Variants in DMD observed in about 807,000 individuals in gnomAD.
DMD encodes the protein dystrophin.
A neutral mutation model predicts 330.1 loss-of-function variants in DMD; 63 were observed. The observed-to-expected ratio is 0.19, with a 90% CI of 0.16 to 0.24. DMD has a LOEUF of 0.24. Ranked by LOEUF, DMD falls within the 10% of genes least tolerant of loss-of-function variation. The pLI is 1.00. For synonymous variants in DMD, 1,223 were observed against 959.8 expected (o/e 1.27, Z -5.07); for missense variants, 3,344 against 2,684.1 (o/e 1.25, Z -5.43).
chrX:31,530,595 T>C (rs1479965595), intron 55 of DMD, among the ~76,000 whole-genome samples: 2 of 104,326 alleles, frequency 1.9e-5, no homozygotes, highest in African/African-American at 7.0e-5. Context: ...ATAATGAGAG[T>C]CAAGCAGTGG....
intron 4 of DMD, among the ~76,000 whole-genome samples, chrX:32,834,286 T>C (rs1763268703): frequency 9.0e-6 from 1 of 111,635 alleles, no homozygotes; most frequent in Admixed American, 9.6e-5. Context: ...GTCTAACAAA[T>C]TAAATTTGGA....
intron 4 of DMD, among the ~76,000 whole-genome samples, chrX:32,835,930 TTTC>T (rs1168589247): frequency 1.8e-5 from 2 of 111,141 alleles, no homozygotes; most frequent in African/African-American, 3.3e-5. Context: ...TAAACCAGGG[TTTC>T]TTTTCATAGG....
At chrX:31,597,880 A>G (rs930872030) in intron 55 of DMD, among the ~76,000 whole-genome samples, 2 of 111,624 alleles carry the variant, frequency 1.8e-5, no homozygotes, top group Non-Finnish European at 3.8e-5. Context: ...GACATGATAC[A>G]TTGTGTTTAT....
intron 1 of DMD, among the ~76,000 whole-genome samples, chrX:33,277,001 G>C (rs2053245450): frequency 8.9e-6 from 1 of 111,994 alleles, no homozygotes. Context: ...GTATGTGTGT[G>C]TGTATATATA....
chrX:32,635,703 G>C (rs5928062), intron 11 of DMD, among the ~76,000 whole-genome samples: 24,610 of 111,005 alleles, frequency 0.22, 3,849 homozygotes, highest in African/African-American at 0.56. Flanking sequence ...AAGCATATTA[G>C]TATTTTTCAA....
At chrX:31,425,194 C>A (rs1274180207) in intron 60 of DMD, among the ~76,000 whole-genome samples, 1 of 111,985 alleles carries the variant, frequency 8.9e-6, no homozygotes, top group Admixed American at 9.5e-5. Flanking sequence ...GGACAGCTTG[C>A]AATTCCATAT....
At chrX:31,797,729 T>A (rs2091892365) in intron 50 of DMD, among the ~76,000 whole-genome samples, 1 of 111,596 alleles carries the variant, frequency 9.0e-6, no homozygotes, top group African/African-American at 3.3e-5. Flanking sequence ...ATAAATATAT[T>A]AAGGAATTTG....
At chrX:32,843,136 G>A (rs1382119758) in intron 4 of DMD, among the ~76,000 whole-genome samples, 1 of 111,948 alleles carries the variant, frequency 8.9e-6, no homozygotes, top group African/African-American at 3.3e-5. Flanking sequence ...GCAGGATTGA[G>A]TTTTACAGGA....
chrX:32,098,792 G>A (rs1432489920), intron 44 of DMD, among the ~76,000 whole-genome samples: 1 of 111,990 alleles, frequency 8.9e-6, no homozygotes, highest in Non-Finnish European at 1.9e-5. Flanking sequence ...TGCAACTTAT[G>A]TTTTCATGAA....
chrX:31,419,689 A>G (rs1201641694), intron 60 of DMD, among the ~76,000 whole-genome samples: 5 of 111,817 alleles, frequency 4.5e-5, no homozygotes, highest in Non-Finnish European at 7.5e-5. Flanking sequence ...AACATTTTGC[A>G]CATAAGAGCT....
chrX:31,693,791 G>C (rs1296687742), intron 52 of DMD, among the ~76,000 whole-genome samples: 1 of 111,162 alleles, frequency 9.0e-6, no homozygotes, highest in African/African-American at 3.3e-5. Context: ...ACAAATAAAT[G>C]GAAAGATTTC....
At chrX:32,327,084 G>C (rs371790763) in intron 41 of DMD, among the ~76,000 whole-genome samples, 1 of 108,155 alleles carries the variant, frequency 9.2e-6, no homozygotes, top group East Asian at 2.9e-4. Flanking sequence ...CCCAAACTAT[G>C]AGTCCATATA....
At chrX:32,846,723 TAAAAAAAAA>T (rs10564725) in intron 3 of DMD, among the ~76,000 whole-genome samples, 2 of 53,585 alleles carry the variant, frequency 3.7e-5, no homozygotes, top group East Asian at 6.9e-4. Flanking sequence ...ACTTTAGATT[TAAAAAAAAA>T]AAAAAAAAAA....
At chrX:33,280,820 T>G (rs969348683) in intron 1 of DMD, among the ~76,000 whole-genome samples, 2 of 112,148 alleles carry the variant, frequency 1.8e-5, no homozygotes, top group African/African-American at 6.5e-5. Context: ...TATCAGACTG[T>G]CTAGAATACT....
At chrX:31,433,622 A>G (rs1304826129) in intron 60 of DMD, among the ~76,000 whole-genome samples, 2 of 109,312 alleles carry the variant, frequency 1.8e-5, no homozygotes, top group Non-Finnish European at 3.8e-5. Context: ...ATGCCCGGCT[A>G]ATTTTTTTGT....
intron 51 of DMD, among the ~76,000 whole-genome samples, chrX:31,759,062 A>G (rs374559628): frequency 6.3e-5 from 7 of 111,917 alleles, no homozygotes; most frequent in Non-Finnish European, 1.1e-4. Flanking sequence ...CAGGTTGTCA[A>G]TAACATACAG....
intron 1 of DMD, among the ~76,000 whole-genome samples, chrX:33,236,163 G>A (rs193111960): frequency 0.052 from 5,636 of 107,934 alleles, 366 homozygotes; most frequent in African/African-American, 0.18. Flanking sequence ...TGATCCGCCC[G>A]CCTCGGCCTC....
chrX:32,771,253 A>G (rs1234883196), intron 7 of DMD, among the ~76,000 whole-genome samples: 2 of 112,113 alleles, frequency 1.8e-5, no homozygotes, highest in African/African-American at 6.5e-5. Context: ...GGAAGGATTA[A>G]TATTTCTATA....
chrX:32,566,383 C>T (rs1375090296), intron 15 of DMD, among the ~76,000 whole-genome samples: 1 of 111,959 alleles, frequency 8.9e-6, no homozygotes, highest in East Asian at 2.8e-4. Flanking sequence ...GATAAAATTA[C>T]AATATTATTG....
Sources: allele counts gnomAD v4.1 joint callset (sites outside exome capture counted in the v4.1 genomes callset), GRCh38; gene constraint gnomAD v4.1.1; transcripts MANE v1.5; gene names NCBI Gene and HGNC (gene_info 2026-07-23, HGNC 2026-07-21).